The following PMEPA1 variants were observed in gnomAD, a reference collection of about 807,000 sequenced individuals.
PMEPA1 encodes prostate transmembrane protein, androgen induced 1.
PMEPA1 carries 11 observed loss-of-function variants against 23.0 expected under a neutral mutation model. That is an observed-to-expected ratio of 0.48 (90% CI 0.30 to 0.79). The LOEUF (loss-of-function observed/expected upper bound fraction) is 0.79, where lower values mean the gene tolerates loss of function less well. Among genes scored for constraint, PMEPA1 ranks in the 30% least tolerant of loss-of-function variants. PMEPA1 has a pLI of 0.06. For synonymous variants in PMEPA1, 204 were observed against 166.4 expected (o/e 1.23, Z -1.74); for missense variants, 377 against 390.9 (o/e 0.96, Z 0.30).
chr20:57,683,201 C>T lies in PMEPA1; in HGVS notation c.110-23504G>A, dbSNP rs1020942055. On this transcript the variant is annotated intron_variant, in intron 1 of 3. Transcript: ENST00000341744. This position sits in a 1 kb window ranked among gnomAD's most constrained non-coding sequence, Gnocchi z 4.3. ...AAGAAAAAGAAGGCCAGGAGACACGCGATCAATTATAAAAAGTGCAAAGAA... is the reference window on the plus strand; with the variant it reads ...AAGAAAAAGAAGGCCAGGAGACACGTGATCAATTATAAAAAGTGCAAAGAA... Among the ~76,000 whole-genome samples, 2 of 152,094 alleles carry T rather than the reference C, an allele frequency of 1.3e-5. No homozygotes were observed. Among genetic ancestry groups the T allele is most frequent in the Non-Finnish European group, 2.9e-5 (2 of 68,036 alleles).
At chr20:57,700,745 G>A (rs1202233271) in intron 1 of PMEPA1, among the ~76,000 whole-genome samples, 1 of 152,096 alleles carries the variant, frequency 6.6e-6, no homozygotes, top group Non-Finnish European at 1.5e-5. Flanking sequence ...ATCAAAAAAG[G>A]AGCCGGGCAT....
At chr20:57,674,409 C>T (rs1410757939) in intron 1 of PMEPA1, among the ~76,000 whole-genome samples, 2 of 152,224 alleles carry the variant, frequency 1.3e-5, no homozygotes, top group Admixed American at 6.5e-5. Flanking sequence ...TCCAGAACTG[C>T]AGGAAAACAA....
At chr20:57,672,485 A>G (rs1260053736) in intron 1 of PMEPA1, among the ~76,000 whole-genome samples, 2 of 152,212 alleles carry the variant, frequency 1.3e-5, no homozygotes, top group African/African-American at 2.4e-5. Flanking sequence ...CCGCTTCTCA[A>G]TAGTGCCTCA....
rs2071750825 is a variant in PMEPA1, at chr20:57,683,547, CTGTGTGCGTG to C, written c.110-23860_110-23851del. 7.1e-6 allele frequency among the ~76,000 whole-genome samples: 1 copy of C among 139,878 alleles called. No homozygotes were observed. The highest frequency in any genetic ancestry group is 3.0e-5 in the African/African-American group (1 of 33,738). 91.8% of individuals were successfully genotyped at this position (139,878 alleles called of 152,430 possible). ...ACTAACTCGGTGGTGGTGTTCTGGC[CTGTGTGCGTG>C]TGTGTGTGTGTGTGTGTGTGTGTGT... On this transcript the variant is annotated intron_variant, in intron 1 of 3. Transcript: ENST00000341744. The surrounding 1 kb of genome is among the most constrained non-coding windows in gnomAD (Gnocchi z 4.3).
intron 1 of PMEPA1, among the ~76,000 whole-genome samples, chr20:57,665,614 T>G (rs1399960088): frequency 1.3e-5 from 2 of 151,946 alleles, no homozygotes; most frequent in East Asian, 3.9e-4. Context: ...ATTGTCACAA[T>G]TACTGACACT....
In PMEPA1 at chr20:57,652,245, G is replaced by C. The variant is rs1427730922; in HGVS notation, c.672C>G (p.Arg224=). The C allele has an allele frequency of 6.2e-7, 1 of 1,607,010 alleles. No individual in the cohort carries two copies. Among genetic ancestry groups the C allele is most frequent in the South Asian group, 1.1e-5 (1 of 90,948 alleles). Residue 224 remains arginine, a synonymous_variant, in exon 4 of 4, where the codon CGC becomes CGG. Coordinates refer to ENST00000341744, the MANE Select transcript of PMEPA1 (RefSeq NM_020182.5). This position sits in a 1 kb window ranked among gnomAD's most constrained non-coding sequence, Gnocchi z 6.1. Reference sequence around the variant, plus strand: ...TGTAGGTGGGCGGCGGCCCCTCCATGCGCCCGCCGCTGCCGTAGCACGTGG... The same window carrying C: ...TGTAGGTGGGCGGCGGCCCCTCCATCCGCCCGCCGCTGCCGTAGCACGTGG... ...ISATCYGSGG[R]MEGPPPTYSE...
intron 1 of PMEPA1, chr20:57,690,246 C>T (rs2071859263): frequency 2.3e-6 from 1 of 428,794 alleles, no homozygotes; most frequent in Non-Finnish European, 4.7e-6. Context: ...CACCTCTTAG[C>T]GAAGAGACGC....
chr20:57,668,321 T>C (rs575053399), intron 1 of PMEPA1, among the ~76,000 whole-genome samples: 19 of 152,340 alleles, frequency 1.2e-4, no homozygotes, highest in African/African-American at 4.6e-4. Flanking sequence ...TGGGCTCAAG[T>C]CCTCGCATTG....
rs1215513408 is a variant in PMEPA1 at position 57,650,653 on chromosome 20, G to A, written c.*1400C>T. On this transcript the variant is annotated 3_prime_UTR_variant, in exon 4 of 4. Coordinates refer to ENST00000341744, the MANE Select transcript of PMEPA1 (RefSeq NM_020182.5). ...AAGGAGATGGAAAGGGGAAGAGAAGGTGAAGAATTCTGCGCCCGAAGCTCG... is the reference window on the plus strand; with the variant it reads ...AAGGAGATGGAAAGGGGAAGAGAAGATGAAGAATTCTGCGCCCGAAGCTCG... 6.6e-6 allele frequency: 1 copy of A among 152,328 alleles called. No homozygotes were observed. The highest frequency in any genetic ancestry group is 1.5e-5 in the Non-Finnish European group (1 of 68,098). The allele number at this position is 152,328 out of a possible 1,614,324, so 9.4% of individuals were successfully genotyped here.
chr20:57,710,220 C>T (rs1248966223), upstream of PMEPA1: 5 of 511,888 alleles, frequency 9.8e-6, no homozygotes, highest in African/African-American at 2.0e-5. Flanking sequence ...GGGCGCTGTG[C>T]CCTCTCCCCA....
intron 1 of PMEPA1, chr20:57,690,631 C>T (rs1418050657): frequency 2.6e-5 from 31 of 1,181,194 alleles, no homozygotes; most frequent in Non-Finnish European, 3.3e-5. Flanking sequence ...AGAGCAGGCG[C>T]GCACCCCAGC....
chr20:57,652,523 G>A lies in PMEPA1; in HGVS notation c.394C>T (p.Arg132Cys), dbSNP rs904658844. 6.4e-7 allele frequency: 1 copy of A among 1,570,934 alleles called. No individual in the cohort carries two copies. Among genetic ancestry groups the A allele is most frequent in the Non-Finnish European group, 8.6e-7 (1 of 1,156,668 alleles). Residue 132 changes from arginine (R) to cysteine (C), a missense_variant, in exon 4 of 4, where the codon CGC becomes TGC. Arg to Cys is a radical substitution (Grantham distance 180). This residue lies in a region of PMEPA1 where 198 missense variants were observed against 196.3 expected (regional missense o/e 1.01). Transcript: ENST00000341744. The surrounding 1 kb of genome is among the most constrained non-coding windows in gnomAD (Gnocchi z 6.1). ...AGGTACGGATAGGTGGGCTGGAAGC[G>A]GTGGAAGCGCTCCCGCTGGGCGAAG... ...PPFAQRERFH[R>C]FQPTYPYLQH...
At chr20:57,692,910 A>C (rs1232925673) in intron 1 of PMEPA1, among the ~76,000 whole-genome samples, 1 of 152,192 alleles carries the variant, frequency 6.6e-6, no homozygotes, top group Non-Finnish European at 1.5e-5. Context: ...ACTCATGATA[A>C]TCAACTGTTT....
chr20:57,674,302 T>TGTGA (rs1302451671), intron 1 of PMEPA1, among the ~76,000 whole-genome samples: 1 of 152,184 alleles, frequency 6.6e-6, no homozygotes, highest in African/African-American at 2.4e-5. Context: ...GGAACGGCCA[T>TGTGA]GTGAGGACGC....
At chr20:57,688,500 G>A (rs1345762166) in intron 1 of PMEPA1, among the ~76,000 whole-genome samples, 1 of 152,152 alleles carries the variant, frequency 6.6e-6, no homozygotes. Flanking sequence ...GGGGGCAGTT[G>A]AGAACCCCAG....
Position 57,662,468 on chromosome 20 carries a change from C to G in PMEPA1, c.110-2771G>C, listed in dbSNP as rs531429640. Reference sequence around the variant, plus strand: ...AGCCCCGAGAAGGCTTCGGCCCTGCCTGCTGGGAACTCAGGCCCCAAGCCC... The same window carrying G: ...AGCCCCGAGAAGGCTTCGGCCCTGCGTGCTGGGAACTCAGGCCCCAAGCCC... On this transcript the variant is annotated intron_variant, in intron 1 of 3. Coordinates refer to ENST00000341744, the MANE Select transcript of PMEPA1 (RefSeq NM_020182.5). Among the ~76,000 whole-genome samples the G allele has an allele frequency of 4.6e-5, 7 of 152,322 alleles. No individual in the cohort carries two copies. In the South Asian group the frequency reaches 1.4e-3, roughly 32 times the overall value.
intron 1 of PMEPA1, among the ~76,000 whole-genome samples, chr20:57,674,482 T>C (rs149990808): frequency 3.3e-5 from 5 of 152,190 alleles, no homozygotes; most frequent in Non-Finnish European, 7.3e-5. Flanking sequence ...AGCAGAATAA[T>C]ACACCTTGTT....
At chr20:57,699,991 C>T (rs147638138) in intron 1 of PMEPA1, 14 of 470,374 alleles carry the variant, frequency 3.0e-5, no homozygotes, top group East Asian at 2.8e-4. Flanking sequence ...CTTGAAGATA[C>T]GTGGCTCTAA....
At position 57,656,594 on chromosome 20, in the gene PMEPA1, G is replaced by A. The variant is rs1372450165; in HGVS notation, c.264+2949C>T. Among the ~76,000 whole-genome samples the A allele has an allele frequency of 6.6e-6, 1 of 152,178 alleles. No individual in the cohort carries two copies. The highest frequency in any genetic ancestry group is 1.5e-5 in the Non-Finnish European group (1 of 68,032). ...CTCGGAGCAGCGCCAGGGTGGAAGT[G>A]CCATCCCTGGTCGAGGGGCTTGCCT... On this transcript the variant is annotated intron_variant, in intron 2 of 3. Transcript: ENST00000341744. The surrounding 1 kb of genome is among the most constrained non-coding windows in gnomAD (Gnocchi z 4.7).
Sources: gnomAD v4.1 joint callset for allele counts (sites outside exome capture counted in the v4.1 genomes callset) on GRCh38, gnomAD v4.1.1 for gene constraint, gnomAD v4.1.1 regional missense constraint, Gnocchi (gnomAD v3.1) non-coding constraint, MANE v1.5 for transcripts, NCBI Gene and HGNC (gene_info 2026-07-23, HGNC 2026-07-21) for gene names.